FBXO11: variants seen among roughly 807,000 people sequenced by gnomAD.
FBXO11 encodes the protein F-box only protein 11.
Under a neutral mutation model 117.0 loss-of-function variants are expected in FBXO11, and 13 were observed. That is an observed-to-expected ratio of 0.11 (90% CI 0.07 to 0.18). The LOEUF (loss-of-function observed/expected upper bound fraction) is 0.18. FBXO11 is among the 10% of genes least tolerant of loss of function. FBXO11 has a pLI of 1.00. For missense variants in FBXO11, 767 were observed against 1,164.4 expected (o/e 0.66, Z 4.97); for synonymous variants, 490 against 380.5 (o/e 1.29, Z -3.35).
At chr2:47,825,789 C>A (rs1245419722) in intron 11 of FBXO11, among the ~76,000 whole-genome samples, 2 of 151,966 alleles carry the variant, frequency 1.3e-5, no homozygotes, top group Non-Finnish European at 2.9e-5. Context: ...GTCGCCCAGG[C>A]TGGTCTCAAA....
intron 1 of FBXO11, among the ~76,000 whole-genome samples, chr2:47,859,031 ACT>A (rs1406505180): frequency 1.5e-5 from 2 of 136,296 alleles, no homozygotes; most frequent in Non-Finnish European, 3.1e-5. Flanking sequence ...ACTGAGCAAA[ACT>A]CTGTCTCCAA....
At position 47,813,929 on chromosome 2, in the gene FBXO11, C is replaced by T. The variant is rs551544943; in HGVS notation, c.2007-62G>A. On this transcript the variant is annotated intron_variant, in intron 16 of 22. Coordinates refer to ENST00000403359, the MANE Select transcript of FBXO11 (RefSeq NM_001190274.2). ...CTTCTACTCCCATATCTTCATGTTA[C>T]GTGAGGTAAACAGTGGAGAAATCCA... The T allele has an allele frequency of 2.1e-4, 270 of 1,258,334 alleles. No individual in the cohort carries two copies. The East Asian group carries it at 3.7e-3, about 17-fold the overall frequency. 77.9% of individuals were successfully genotyped at this position (1,258,334 alleles called of 1,614,324 possible).
intron 1 of FBXO11, among the ~76,000 whole-genome samples, chr2:47,888,106 G>A (rs1368141412): frequency 6.6e-6 from 1 of 152,088 alleles, no homozygotes; most frequent in Non-Finnish European, 1.5e-5. Flanking sequence ...AGGCACTCAT[G>A]ATCTACACCG....
chr2:47,813,111 G>T, intron 18 of FBXO11, 123 bp downstream of exon 18: 1 of 1,023,478 alleles, frequency 9.8e-7, no homozygotes, highest in Non-Finnish European at 1.5e-6. Context: ...AGTTCAACTT[G>T]ATAAGGAAAA....
Position 47,834,732 on chromosome 2 carries a change from C to T in FBXO11, c.802-21G>A, listed in dbSNP as rs778803083. ...TAATACTAGAAAAAAATAAATGTGT[C>T]AGTACAGAACTGAAAGATTACCATT... On this transcript the variant is annotated intron_variant, in intron 6 of 22. Transcript: ENST00000403359. 1.2e-5 allele frequency: 19 copies of T among 1,606,820 alleles called. No homozygotes were observed. In the South Asian group the frequency reaches 2.1e-4, roughly 18 times the overall value.
In FBXO11 at chr2:47,878,558, T is replaced by C. The variant is rs1255587159; in HGVS notation, c.232+26931A>G. On this transcript the variant is annotated intron_variant, in intron 1 of 22. Transcript: ENST00000403359. ...TTTCAGTAGAGATGGGGTTTCACCA[T>C]GTTGGCCAGGTTGGTCTTGAACTCC... is the stretch of plus-strand genomic sequence containing the variant. 2.6e-5 allele frequency among the ~76,000 whole-genome samples: 4 copies of C among 151,910 alleles called. No individual in the cohort carries two copies. In the East Asian group the frequency reaches 7.8e-4, roughly 30 times the overall value.
At chr2:47,862,057 C>T (rs371343204) in intron 1 of FBXO11, among the ~76,000 whole-genome samples, 4 of 151,946 alleles carry the variant, frequency 2.6e-5, no homozygotes, top group Admixed American at 1.3e-4. Context: ...GGATTACGGG[C>T]GCACGCTACC....
At chr2:47,865,311 C>CT (rs988629766) in intron 1 of FBXO11, among the ~76,000 whole-genome samples, 3 of 152,188 alleles carry the variant, frequency 2.0e-5, no homozygotes, top group African/African-American at 7.2e-5. Flanking sequence ...GGCCATCTGA[C>CT]TAGGTTTTGG....
intron 1 of FBXO11, among the ~76,000 whole-genome samples, chr2:47,849,515 T>G (rs1673684851): frequency 1.3e-5 from 2 of 152,204 alleles, no homozygotes; most frequent in South Asian, 4.1e-4. Flanking sequence ...CCATGGACTG[T>G]GCTAGGTATT....
intron 1 of FBXO11, among the ~76,000 whole-genome samples, chr2:47,847,002 T>G (rs966726645): frequency 6.6e-6 from 1 of 152,184 alleles, no homozygotes; most frequent in Non-Finnish European, 1.5e-5. Flanking sequence ...CCCTGCACTT[T>G]AGGAGGCCAA....
At chr2:47,858,739 C>G (rs1410727825) in intron 1 of FBXO11, among the ~76,000 whole-genome samples, 1 of 148,340 alleles carries the variant, frequency 6.7e-6, no homozygotes, top group Non-Finnish European at 1.5e-5. Flanking sequence ...ATGCAAAAAC[C>G]TGAACTGACT....
chr2:47,855,673 A>G (rs913595537), intron 1 of FBXO11, among the ~76,000 whole-genome samples: 97 of 152,156 alleles, frequency 6.4e-4, no homozygotes, highest in African/African-American at 2.2e-3. Flanking sequence ...TCTTTACTAA[A>G]AATACAAAAT....
At chr2:47,899,907 A>T (rs569364066) in intron 1 of FBXO11, among the ~76,000 whole-genome samples, 8 of 151,068 alleles carry the variant, frequency 5.3e-5, no homozygotes, top group African/African-American at 1.9e-4. Flanking sequence ...GAAATAGCTC[A>T]TTACTGTAAA....
intron 13 of FBXO11, among the ~76,000 whole-genome samples, 195 bp downstream of exon 13, chr2:47,822,023 C>A (rs1671427548): frequency 6.6e-6 from 1 of 152,122 alleles, no homozygotes; most frequent in Admixed American, 6.5e-5. Context: ...AAGTCTGAGG[C>A]TGCTGTGAGC....
At chr2:47,858,511 G>A (rs1363371503) in intron 1 of FBXO11, among the ~76,000 whole-genome samples, 2 of 149,616 alleles carry the variant, frequency 1.3e-5, no homozygotes, top group African/African-American at 2.4e-5. Flanking sequence ...GTGTATCCCC[G>A]TCTCTACTAA....
At chr2:47,834,962 C>T in intron 5 of FBXO11, 91 bp from the exon 6 acceptor site, 1 of 871,930 alleles carries the variant, frequency 1.1e-6, no homozygotes, top group East Asian at 2.6e-5. Context: ...ACTTTTATTA[C>T]AAATCAAAAA....
intron 1 of FBXO11, among the ~76,000 whole-genome samples, chr2:47,854,163 G>C (rs770159988): frequency 1.5e-4 from 22 of 151,518 alleles, no homozygotes; most frequent in Non-Finnish European, 2.7e-4. Context: ...ACACAAAAGA[G>C]AAAACAGTTA....
chr2:47,810,636 C>A, intron 18 of FBXO11: 1 of 445,378 alleles, frequency 2.2e-6, no homozygotes, highest in East Asian at 3.7e-5. Context: ...GCATTCTGAC[C>A]AATAATCTGC....
At chr2:47,850,035 G>C (rs902599008) in intron 1 of FBXO11, among the ~76,000 whole-genome samples, 2 of 152,214 alleles carry the variant, frequency 1.3e-5, no homozygotes, top group Non-Finnish European at 1.5e-5. Flanking sequence ...CTGGTGGCAG[G>C]AGACGAGTAA....
Sources: allele counts gnomAD v4.1 joint callset (sites outside exome capture counted in the v4.1 genomes callset), GRCh38; gene constraint gnomAD v4.1.1; transcripts MANE v1.5; gene names NCBI Gene and HGNC (gene_info 2026-07-23, HGNC 2026-07-21).